Variants in SLC8A1 observed in about 807,000 individuals in gnomAD.
The protein encoded by SLC8A1 is sodium/calcium exchanger 1.
Under a neutral mutation model 68.3 loss-of-function variants are expected in SLC8A1, and 18 were observed. That is an observed-to-expected ratio of 0.26 (90% CI 0.18 to 0.39). The LOEUF is 0.39. Among genes scored for constraint, SLC8A1 ranks in the 10% least tolerant of loss-of-function variants. The pLI is 1.00. For missense variants in SLC8A1, 985 were observed against 1,156.7 expected (o/e 0.85, Z 2.15); for synonymous variants, 475 against 415.5 (o/e 1.14, Z -1.74).
intron 2 of SLC8A1, among the ~76,000 whole-genome samples, chr2:40,274,312 A>C (rs2066428880): frequency 6.6e-6 from 1 of 151,636 alleles, no homozygotes; most frequent in African/African-American, 2.4e-5. Context: ...TATTTTGTAA[A>C]TAAACACATA....
chr2:40,433,379 A>G (rs1698754026), intron 1 of SLC8A1, among the ~76,000 whole-genome samples: 1 of 152,180 alleles, frequency 6.6e-6, no homozygotes, highest in African/African-American at 2.4e-5. Flanking sequence ...CTTAGAAGCA[A>G]GTTTCAAAAG....
At chr2:40,423,144 C>A (rs567225265) in intron 2 of SLC8A1, among the ~76,000 whole-genome samples, 1 of 152,158 alleles carries the variant, frequency 6.6e-6, no homozygotes, top group East Asian at 1.9e-4. Flanking sequence ...ACAAAATGTA[C>A]TTTTACTTAG....
rs143561761 is a variant in SLC8A1 at position 40,394,191 on chromosome 2, G to C, written c.1808+34282C>G. On this transcript the variant is annotated intron_variant, in intron 2 of 7. Transcript: ENST00000406785. The stretch of plus-strand genomic sequence containing the variant: ...TTACTAGTCTAAGTGAGCTTAAGTT[G>C]AGAAACCCTGCACTAACATTAAGAA... Among the ~76,000 whole-genome samples, 1,301 of 152,170 alleles carry C rather than the reference G, an allele frequency of 8.5e-3. 11 individuals are homozygous for C. Among genetic ancestry groups the C allele is most frequent in the Admixed American group, 0.012 (177 of 15,258 alleles).
intron 2 of SLC8A1, among the ~76,000 whole-genome samples, chr2:40,318,589 T>C (rs1004187069): frequency 6.6e-6 from 1 of 152,104 alleles, no homozygotes; most frequent in African/African-American, 2.4e-5. Flanking sequence ...TTAACTCTTA[T>C]ACAAACTGCC....
intron 2 of SLC8A1, among the ~76,000 whole-genome samples, chr2:40,350,006 A>C (rs980454510): frequency 2.0e-4 from 30 of 152,282 alleles, no homozygotes; most frequent in African/African-American, 5.5e-4. Flanking sequence ...AGAGATTAGA[A>C]TTTCTGAGCT....
At chr2:40,313,682 C>A (rs906847402) in intron 2 of SLC8A1, among the ~76,000 whole-genome samples, 1 of 151,908 alleles carries the variant, frequency 6.6e-6, no homozygotes, top group African/African-American at 2.4e-5. Flanking sequence ...GGATTACAGG[C>A]GTGAGTCACA....
Position 40,320,868 on chromosome 2 carries a change from C to A in SLC8A1, c.1808+107605G>T, listed in dbSNP as rs576672726. 3.3e-5 allele frequency among the ~76,000 whole-genome samples: 5 copies of A among 152,242 alleles called. No homozygotes were observed. In the South Asian group the frequency reaches 1.0e-3, roughly 32 times the overall value. On this transcript the variant is annotated intron_variant, in intron 2 of 7. Transcript: ENST00000406785. ...TCCTTGTAGCCTCAGAACACTCTAT[C>A]AGTCACTACTCAGAACAAATTAGCC...
chr2:40,166,589 G>A (rs1270137588), intron 4 of SLC8A1, among the ~76,000 whole-genome samples: 1 of 152,138 alleles, frequency 6.6e-6, no homozygotes, highest in Non-Finnish European at 1.5e-5. Flanking sequence ...TTTTATAGTA[G>A]GATTGGGAAG....
At chr2:40,486,170 G>C (rs936172241) in intron 1 of SLC8A1, among the ~76,000 whole-genome samples, 6 of 152,044 alleles carry the variant, frequency 3.9e-5, no homozygotes, top group Non-Finnish European at 7.4e-5. Flanking sequence ...TTGTGAAAAA[G>C]GTGCCTTGCT....
intron 2 of SLC8A1, among the ~76,000 whole-genome samples, chr2:40,229,584 A>C (rs1350859848): frequency 6.6e-6 from 1 of 152,170 alleles, no homozygotes; most frequent in African/African-American, 2.4e-5. Context: ...TCTCCTAAAT[A>C]AGTCCTTACA....
intron 2 of SLC8A1, among the ~76,000 whole-genome samples, chr2:40,255,526 G>A (rs2063771791): frequency 6.6e-6 from 1 of 152,182 alleles, no homozygotes. Flanking sequence ...TGGACTAAGT[G>A]TCAGGAAACC....
chr2:40,189,098 A>G (rs1334420725), intron 2 of SLC8A1, among the ~76,000 whole-genome samples: 1 of 152,116 alleles, frequency 6.6e-6, no homozygotes, highest in Admixed American at 6.5e-5. Flanking sequence ...TTTTAAATAA[A>G]ATTTTTGATG....
chr2:40,153,865 T>G (rs549259337), intron 6 of SLC8A1, among the ~76,000 whole-genome samples: 23 of 152,214 alleles, frequency 1.5e-4, no homozygotes, highest in Non-Finnish European at 8.8e-5. Context: ...TCCTGGTCCT[T>G]CTGCACTTCT....
chr2:40,253,309 C>CACACATATATGTGTAT (rs2063299600), intron 2 of SLC8A1, among the ~76,000 whole-genome samples: 2 of 150,324 alleles, frequency 1.3e-5, no homozygotes, highest in South Asian at 2.1e-4. Context: ...CATATATACA[C>CACACATATATGTGTAT]ATATATACAC....
chr2:40,333,804 C>CT (rs1210191791), intron 2 of SLC8A1, among the ~76,000 whole-genome samples: 12 of 152,128 alleles, frequency 7.9e-5, no homozygotes, highest in Non-Finnish European at 1.8e-4. Context: ...AATCCCAGCA[C>CT]TTTGGGAGCT....
At chr2:40,184,146 A>G (rs1019604913) in intron 2 of SLC8A1, among the ~76,000 whole-genome samples, 1 of 152,184 alleles carries the variant, frequency 6.6e-6, no homozygotes, top group Non-Finnish European at 1.5e-5. Flanking sequence ...ACTGCACTCC[A>G]GAACTGCGAG....
rs188556628 is a variant in SLC8A1, at chr2:40,385,116, C to T, written c.1808+43357G>A. 6.0e-4 allele frequency among the ~76,000 whole-genome samples: 91 copies of T among 152,102 alleles called. No homozygotes were observed. In the East Asian group the frequency reaches 0.017, roughly 28 times the overall value. On this transcript the variant is annotated intron_variant, in intron 2 of 7. Transcript: ENST00000406785. ...TTCAACTCTTATAGTACTTTTGATCCTGTAGTGATGAAAAGTTAATTGCAA... is the reference window on the plus strand; with the variant it reads ...TTCAACTCTTATAGTACTTTTGATCTTGTAGTGATGAAAAGTTAATTGCAA...
chr2:40,126,840 G>A (rs537176686), intron 7 of SLC8A1, among the ~76,000 whole-genome samples: 2 of 152,210 alleles, frequency 1.3e-5, no homozygotes, highest in African/African-American at 2.4e-5. Flanking sequence ...CTTACTCCAC[G>A]GGAGTAGACA....
At chr2:40,228,876 G>C (rs1413574157) in intron 2 of SLC8A1, among the ~76,000 whole-genome samples, 2 of 152,056 alleles carry the variant, frequency 1.3e-5, no homozygotes, top group African/African-American at 2.4e-5. Flanking sequence ...AGAATGTTTT[G>C]ATTATATGGA....
Sources: gnomAD v4.1 joint callset for allele counts (sites outside exome capture counted in the v4.1 genomes callset) on GRCh38, gnomAD v4.1.1 for gene constraint, MANE v1.5 for transcripts, NCBI Gene and HGNC (gene_info 2026-07-23, HGNC 2026-07-21) for gene names.